Variants in NKAIN3 observed in about 807,000 individuals in gnomAD.
NKAIN3 encodes the protein sodium/potassium transporting ATPase interacting 3, also known as sodium/potassium-transporting ATPase subunit beta-1-interacting protein 3.
Under a neutral mutation model 30.2 loss-of-function variants are expected in NKAIN3, and 25 were observed. That is an observed-to-expected ratio of 0.83 (90% CI 0.60 to 1.16). The LOEUF (loss-of-function observed/expected upper bound fraction) is 1.16, where lower values mean the gene tolerates loss of function less well. NKAIN3 is among the 50% of genes most tolerant of loss of function. NKAIN3 has a pLI of 0.00. For missense variants in NKAIN3, 225 were observed against 254.1 expected (o/e 0.89, Z 0.78); for synonymous variants, 91 against 89.6 (o/e 1.02, Z -0.09).
intron 4 of NKAIN3, among the ~76,000 whole-genome samples, chr8:62,796,444 T>C (rs62512420): frequency 0.18 from 25,289 of 143,228 alleles, 2,376 homozygotes; most frequent in East Asian, 0.3. Context: ...CTGCATCCAG[T>C]CTCTGCAGAT....
chr8:62,741,416 A>C (rs866582021), intron 3 of NKAIN3, among the ~76,000 whole-genome samples: 4,211 of 128,370 alleles, frequency 0.033, 220 homozygotes, highest in African/African-American at 0.13. Flanking sequence ...GGAAGGAAGG[A>C]AGGAAGGCAG....
intron 1 of NKAIN3, among the ~76,000 whole-genome samples, chr8:62,550,078 A>ACATGGGT: frequency 1.3e-5 from 2 of 152,134 alleles, no homozygotes; most frequent in East Asian, 3.9e-4. Context: ...CAATTATAAT[A>ACATGGGT]CATGGGTCCA....
In NKAIN3 at chr8:62,965,723, C is replaced by G. The variant is rs146004540; in HGVS notation, c.*316C>G. On this transcript the variant is annotated 3_prime_UTR_variant, in exon 7 of 7. Coordinates refer to ENST00000623646, the MANE Select transcript of NKAIN3 (RefSeq NM_001304533.3). ...AAAGCAAATCTGTGAAAACCTTCTA[C>G]AGTCAATTCTAAGAGAAATCTCAGT... is the stretch of plus-strand genomic sequence containing the variant. The G allele has an allele frequency of 4.6e-5, 45 of 983,892 alleles. No homozygotes were observed. The East Asian group carries it at 4.4e-3, about 97-fold the overall frequency. 60.9% of individuals were successfully genotyped at this position (983,892 alleles called of 1,614,324 possible). A position where few individuals can be genotyped will look rare whatever the true frequency, so the allele number is the denominator to read the frequency against.
At chr8:62,716,512 A>G (rs182255491) in intron 3 of NKAIN3, among the ~76,000 whole-genome samples, 1 of 152,334 alleles carries the variant, frequency 6.6e-6, no homozygotes, top group East Asian at 1.9e-4. Flanking sequence ...TCTTAGTTAT[A>G]AAAGTGAGCA....
intron 4 of NKAIN3, among the ~76,000 whole-genome samples, chr8:62,909,739 C>T (rs1380604423): frequency 3.9e-5 from 6 of 151,952 alleles, no homozygotes; most frequent in Non-Finnish European, 7.4e-5. Context: ...TGAGTATGCC[C>T]ATCAATAAGG....
rs574037184 is a variant in NKAIN3 at position 62,799,817 on chromosome 8, G to A, written c.471+52688G>A. The stretch of plus-strand genomic sequence containing the variant: ...CCCAAATGCCCATCAATCCACCAAC[G>A]AGTGGATAGAGAGAAAATGTGGCAT... On this transcript the variant is annotated intron_variant, in intron 4 of 6. Transcript: ENST00000623646. Among the ~76,000 whole-genome samples the A allele has an allele frequency of 5.9e-5, 9 of 152,248 alleles. No homozygotes were observed. The South Asian group carries it at 8.3e-4, about 14-fold the overall frequency.
At chr8:62,625,313 A>G (rs1283456147) in intron 3 of NKAIN3, among the ~76,000 whole-genome samples, 1 of 152,064 alleles carries the variant, frequency 6.6e-6, no homozygotes, top group African/African-American at 2.4e-5. Context: ...AATTGTTAGA[A>G]CAGTCCAAAA....
intron 3 of NKAIN3, among the ~76,000 whole-genome samples, chr8:62,628,551 T>G (rs896452120): frequency 6.6e-6 from 1 of 152,180 alleles, no homozygotes; most frequent in Admixed American, 6.6e-5. Flanking sequence ...TATACAATGC[T>G]AAATCATTGT....
intron 1 of NKAIN3, among the ~76,000 whole-genome samples, chr8:62,297,026 G>C (rs1020795272): frequency 1.3e-5 from 2 of 152,068 alleles, no homozygotes; most frequent in African/African-American, 4.8e-5. Flanking sequence ...GCTCTGCAAT[G>C]CATTTGCTTT....
At chr8:62,418,746 T>G (rs1184785385) in intron 1 of NKAIN3, among the ~76,000 whole-genome samples, 1 of 152,178 alleles carries the variant, frequency 6.6e-6, no homozygotes, top group African/African-American at 2.4e-5. Context: ...TCGCTTTGAA[T>G]CCCTTGAGTA....
intron 1 of NKAIN3, among the ~76,000 whole-genome samples, chr8:62,292,895 C>T (rs1301958887): frequency 3.3e-5 from 5 of 152,172 alleles, no homozygotes; most frequent in Non-Finnish European, 5.9e-5. Flanking sequence ...GGTCTTTTCA[C>T]ATAGTCCCAT....
chr8:62,560,531 C>CTTTTT (rs869256384), intron 1 of NKAIN3, among the ~76,000 whole-genome samples: 658 of 45,416 alleles, frequency 0.014, 8 homozygotes, highest in Middle Eastern at 0.031. Context: ...TTTTTCTTTT[C>CTTTTT]TTTTTTTTTT....
At chr8:62,670,434 C>CA (rs2130385299) in intron 3 of NKAIN3, among the ~76,000 whole-genome samples, 1 of 152,260 alleles carries the variant, frequency 6.6e-6, no homozygotes, top group East Asian at 1.9e-4. Flanking sequence ...CAATACTTTA[C>CA]ACTTCCGACA....
intron 2 of NKAIN3, among the ~76,000 whole-genome samples, chr8:62,585,990 A>G (rs140742282): frequency 6.6e-6 from 1 of 152,314 alleles, no homozygotes; most frequent in East Asian, 1.9e-4. Context: ...GTTTTAACTC[A>G]CATGCAGATG....
chr8:62,815,829 T>C (rs990697459), intron 4 of NKAIN3, among the ~76,000 whole-genome samples: 2 of 152,218 alleles, frequency 1.3e-5, no homozygotes, highest in African/African-American at 4.8e-5. Flanking sequence ...AAGTTTTCAA[T>C]TGCATTCTTA....
At chr8:62,437,086 A>G (rs1805194360) in intron 1 of NKAIN3, among the ~76,000 whole-genome samples, 1 of 152,212 alleles carries the variant, frequency 6.6e-6, no homozygotes, top group Admixed American at 6.5e-5. Flanking sequence ...GGAGAGATGC[A>G]ATGATTAAAG....
intron 3 of NKAIN3, among the ~76,000 whole-genome samples, chr8:62,606,209 C>T (rs1811125640): frequency 6.6e-6 from 1 of 152,068 alleles, no homozygotes; most frequent in Non-Finnish European, 1.5e-5. Context: ...AAGGTCACTA[C>T]CCTTGAGAGG....
At chr8:62,877,351 G>T (rs574066263) in intron 4 of NKAIN3, among the ~76,000 whole-genome samples, 182 of 152,386 alleles carry the variant, frequency 1.2e-3, no homozygotes, top group African/African-American at 4.2e-3. Flanking sequence ...GGCGGCCTCG[G>T]AATGGAGGCA....
chr8:62,544,604 T>TA (rs1161237819), intron 1 of NKAIN3, among the ~76,000 whole-genome samples: 1 of 152,180 alleles, frequency 6.6e-6, no homozygotes, highest in Non-Finnish European at 1.5e-5. Context: ...ATAAATAATT[T>TA]AGATTCCCCT....
Sources: gnomAD v4.1 joint callset for allele counts (sites outside exome capture counted in the v4.1 genomes callset) on GRCh38, gnomAD v4.1.1 for gene constraint, MANE v1.5 for transcripts, NCBI Gene and HGNC (gene_info 2026-07-23, HGNC 2026-07-21) for gene names.